Variants in NPAS3 observed in about 807,000 individuals in gnomAD.
The protein encoded by NPAS3 is neuronal PAS domain-containing protein 3.
A neutral mutation model predicts 73.1 loss-of-function variants in NPAS3; 14 were observed. The observed-to-expected ratio is 0.19, with a 90% CI of 0.13 to 0.30. NPAS3 has a LOEUF of 0.30. NPAS3 is among the 10% of genes least tolerant of loss of function. The pLI is 1.00. For synonymous variants in NPAS3, 620 were observed against 541.5 expected (o/e 1.14, Z -2.01); for missense variants, 1,096 against 1,250.0 (o/e 0.88, Z 1.86).
intron 1 of NPAS3, among the ~76,000 whole-genome samples, chr14:33,041,238 G>T (rs10136071): frequency 0.51 from 76,758 of 151,970 alleles, 22,822 homozygotes; most frequent in African/African-American, 0.84. Flanking sequence ...ATGAAAATAA[G>T]GTGCTATCTC....
chr14:33,491,501 A>C (rs2139818164), intron 4 of NPAS3, among the ~76,000 whole-genome samples: 1 of 152,280 alleles, frequency 6.6e-6, no homozygotes, highest in South Asian at 2.1e-4. Context: ...CGTGAGCACT[A>C]GGATTGTGGC....
At chr14:33,229,750 C>G (rs2047775644) in intron 3 of NPAS3, among the ~76,000 whole-genome samples, 1 of 152,068 alleles carries the variant, frequency 6.6e-6, no homozygotes. Flanking sequence ...GTGCCCAGAC[C>G]AACCCCTAAA....
At chr14:33,245,859 C>T (rs2048355468) in intron 3 of NPAS3, among the ~76,000 whole-genome samples, 1 of 151,160 alleles carries the variant, frequency 6.6e-6, no homozygotes, top group African/African-American at 2.4e-5. Flanking sequence ...CGAGTCACAA[C>T]TTTAAGTGTT....
At position 33,789,583 on chromosome 14, in the gene NPAS3, C is replaced by CTTTTTTTTTTTTTTTTTTTT. The variant is rs10567527; in HGVS notation, c.1154-4310_1154-4291dup. ...ACTAAAAGTAATTACTAGAGTACAA[C>CTTTTTTTTTTTTTTTTTTTT]TTTTTTTTTTTTTTTTTTTTTTTGA... On this transcript the variant is annotated intron_variant, in intron 9 of 11. Transcript: ENST00000356141. Among the ~76,000 whole-genome samples, 8 of 92,400 alleles carry CTTTTTTTTTTTTTTTTTTTT rather than the reference C, an allele frequency of 8.7e-5. 2 individuals are homozygous for CTTTTTTTTTTTTTTTTTTTT. The highest frequency in any genetic ancestry group is 3.5e-4 in the African/African-American group (8 of 23,052). 60.6% of individuals were successfully genotyped at this position (92,400 alleles called of 152,430 possible).
At chr14:32,946,344 A>ACGCG (rs1160316544) in intron 1 of NPAS3, among the ~76,000 whole-genome samples, 9 of 107,908 alleles carry the variant, frequency 8.3e-5, no homozygotes, top group African/African-American at 2.8e-4. Flanking sequence ...ACACACACAC[A>ACGCG]CGCGCACACA....
At chr14:33,342,113 G>T (rs375486614) in intron 3 of NPAS3, among the ~76,000 whole-genome samples, 3 of 152,128 alleles carry the variant, frequency 2.0e-5, no homozygotes, top group African/African-American at 7.2e-5. Flanking sequence ...CTAACATATC[G>T]CAAATAAATT....
intron 4 of NPAS3, among the ~76,000 whole-genome samples, chr14:33,464,129 A>G (rs995654494): frequency 2.0e-5 from 3 of 152,156 alleles, no homozygotes; most frequent in African/African-American, 7.2e-5. Flanking sequence ...GGGACATTAT[A>G]TCTGTCACAC....
At chr14:33,483,467 C>G (rs2139732205) in intron 4 of NPAS3, among the ~76,000 whole-genome samples, 1 of 152,306 alleles carries the variant, frequency 6.6e-6, no homozygotes, top group Non-Finnish European at 1.5e-5. Flanking sequence ...CGTCTGATCT[C>G]TCCCACTGCA....
intron 1 of NPAS3, among the ~76,000 whole-genome samples, chr14:32,950,289 A>G (rs1277567007): frequency 6.6e-6 from 1 of 152,090 alleles, no homozygotes; most frequent in Non-Finnish European, 1.5e-5. Context: ...AAGAATTTTA[A>G]CCAGGAAAAT....
At position 33,158,757 on chromosome 14, in the gene NPAS3, C is replaced by G. The variant is rs145733950; in HGVS notation, c.141-56425C>G. ...GGTGCTTTAAAGAGGGGCCCTGTTA[C>G]TTGTCTACTGGTAATTACTATTGGT... is the stretch of plus-strand genomic sequence containing the variant. On this transcript the variant is annotated intron_variant, in intron 2 of 11. Transcript: ENST00000356141. Among the ~76,000 whole-genome samples the G allele has an allele frequency of 3.1e-3, 472 of 152,240 alleles. 3 individuals are homozygous for G. The highest frequency in any genetic ancestry group is 0.011 in the African/African-American group (451 of 41,530).
intron 7 of NPAS3, among the ~76,000 whole-genome samples, chr14:33,753,587 A>T (rs1424740971): frequency 6.6e-6 from 1 of 152,162 alleles, no homozygotes; most frequent in Admixed American, 6.6e-5. Flanking sequence ...GGCTGTGGGA[A>T]TACAAATTGT....
chr14:33,135,490 TAA>T (rs1425473653), intron 2 of NPAS3, among the ~76,000 whole-genome samples: 7 of 152,210 alleles, frequency 4.6e-5, no homozygotes, highest in African/African-American at 1.4e-4. Context: ...TAAAATAGTT[TAA>T]GTTTATTAAT....
intron 4 of NPAS3, among the ~76,000 whole-genome samples, chr14:33,395,780 A>T (rs1333753308): frequency 6.6e-6 from 1 of 152,134 alleles, no homozygotes; most frequent in East Asian, 1.9e-4. Flanking sequence ...TAGTGCTTTC[A>T]TTCATTCATT....
chr14:33,057,340 A>T (rs952951262), intron 2 of NPAS3, among the ~76,000 whole-genome samples: 4 of 151,796 alleles, frequency 2.6e-5, no homozygotes, highest in African/African-American at 9.7e-5. Flanking sequence ...TCTGTGAGTC[A>T]TTTATTGTGG....
At chr14:33,546,554 A>T (rs190223104) in intron 4 of NPAS3, among the ~76,000 whole-genome samples, 4 of 152,348 alleles carry the variant, frequency 2.6e-5, no homozygotes, top group African/African-American at 9.6e-5. Context: ...TTTGTGGCAG[A>T]TCCTGTAGGT....
chr14:33,627,752 A>G (rs999919286), intron 5 of NPAS3, among the ~76,000 whole-genome samples: 4 of 152,248 alleles, frequency 2.6e-5, no homozygotes, highest in African/African-American at 9.6e-5. Flanking sequence ...ATCTGTGCCT[A>G]TGTTCCAAAA....
At chr14:33,618,002 G>A (rs539620418) in intron 5 of NPAS3, among the ~76,000 whole-genome samples, 2 of 152,276 alleles carry the variant, frequency 1.3e-5, no homozygotes, top group South Asian at 4.1e-4. Context: ...AAGTGCATGA[G>A]ACACAGCGGG....
chr14:33,571,671 G>A (rs992557283), intron 5 of NPAS3, among the ~76,000 whole-genome samples: 3 of 152,202 alleles, frequency 2.0e-5, no homozygotes, highest in Admixed American at 1.3e-4. Context: ...GGCGTCCCTA[G>A]CAATTGCCTG....
At chr14:33,720,045 T>C (rs1251021740) in intron 6 of NPAS3, among the ~76,000 whole-genome samples, 2 of 152,114 alleles carry the variant, frequency 1.3e-5, no homozygotes, top group African/African-American at 4.8e-5. Flanking sequence ...CAAATATAAG[T>C]TCCAAAGAAG....
Sources: allele counts gnomAD v4.1 joint callset (sites outside exome capture counted in the v4.1 genomes callset), GRCh38; gene constraint gnomAD v4.1.1; transcripts MANE v1.5; gene names NCBI Gene and HGNC (gene_info 2026-07-23, HGNC 2026-07-21).